Variants in SLCO4A1 observed in about 807,000 individuals in gnomAD.
SLCO4A1 encodes colon organic anion transporter.
SLCO4A1 carries 51 observed loss-of-function variants against 64.6 expected under a neutral mutation model. The observed-to-expected ratio is 0.79, with a 90% CI of 0.63 to 1.00. The LOEUF (loss-of-function observed/expected upper bound fraction) is 1.00, where lower values mean the gene tolerates loss of function less well. SLCO4A1 is among the 50% of genes least tolerant of loss of function. The pLI is 0.00. For missense variants in SLCO4A1, 919 were observed against 980.5 expected (o/e 0.94, Z 0.84); for synonymous variants, 471 against 444.9 (o/e 1.06, Z -0.74).
chr20:62,682,649 CCACACACA>C (rs10552847), intron 2 of SLCO4A1, among the ~76,000 whole-genome samples: 116 of 150,788 alleles, frequency 7.7e-4, no homozygotes, highest in African/African-American at 2.5e-3. Context: ...GACCATGTGA[CCACACACA>C]CACACACACA....
In SLCO4A1 at chr20:62,660,284, G is replaced by A. The variant is rs532462842; in HGVS notation, c.888-128G>A. ...CTGTGGCCAGCAGCACCAGGGGCCT[G>A]TGTTGACCAGCGTGCAGACAGACCC... On this transcript the variant is annotated intron_variant, in intron 3 of 11. Transcript: ENST00000217159. The A allele has an allele frequency of 2.8e-5, 31 of 1,088,240 alleles. 1 individual carries two copies. The African/African-American group carries it at 3.6e-4, about 13-fold the overall frequency. The allele number at this position is 1,088,240 out of a possible 1,614,324, so 67.4% of individuals were successfully genotyped here. A position where few individuals can be genotyped will look rare whatever the true frequency, so the allele number is the denominator to read the frequency against.
At chr20:62,689,175 GTCCCT>G, downstream of SLCO4A1, among the ~76,000 whole-genome samples, 1 of 152,202 alleles carries the variant, frequency 6.6e-6, no homozygotes, top group South Asian at 2.1e-4. Context: ...TCGTAGGCCT[GTCCCT>G]GGCTGTGCCC....
chr20:62,676,046 G>A (rs1020348773), downstream of SLCO4A1, among the ~76,000 whole-genome samples: 4 of 152,204 alleles, frequency 2.6e-5, no homozygotes. Flanking sequence ...AGAGTCAGAC[G>A]CCAGGAGCAG....
At chr20:62,665,210 C>T (rs141650269) in intron 6 of SLCO4A1, 122 bp downstream of exon 6, 5 of 1,145,194 alleles carry the variant, frequency 4.4e-6, no homozygotes, top group South Asian at 3.0e-5. Context: ...CTCCCACCCC[C>T]GCTGCCAGAG....
rs145068789 is a variant in SLCO4A1 at position 62,667,849 on chromosome 20, A to G, written c.1577A>G (p.Tyr526Cys). 9.3e-6 allele frequency: 15 copies of G among 1,613,470 alleles called. No homozygotes were observed. The highest frequency in any genetic ancestry group is 1.3e-5 in the Non-Finnish European group (15 of 1,180,032). ...SPVCGSDGLM[Y>C]FSLCHAGCPA... ...GTGTGCGGCTCGGACGGCCTCATGT[A>G]CTTCTCACTGTGCCACGCAGGGTGC... The change falls in exon 8 of 12, where the codon TAC (tyrosine) becomes TGC (cysteine). Residue 526 changes from tyrosine (Y) to cysteine (C), a missense_variant. Transcript: ENST00000217159.
downstream of SLCO4A1, among the ~76,000 whole-genome samples, chr20:62,686,466 A>G (rs970541552): frequency 6.6e-6 from 1 of 152,160 alleles, no homozygotes; most frequent in South Asian, 2.1e-4. Context: ...GAGTGAGAAG[A>G]CACTGGCGCC....
Position 62,658,712 on chromosome 20 carries a change from G to A in SLCO4A1, c.832G>A (p.Ala278Thr), listed in dbSNP as rs1984213801. ...FYTAAILGPAAGYLIGGALLN... is the reference protein window; with the variant it reads ...FYTAAILGPATGYLIGGALLN... ...CACAGCGGCCATCCTGGGCCCAGCT[G>A]CCGGCTACCTGATTGGAGGTGCCCT... is the stretch of plus-strand genomic sequence containing the variant. Residue 278 changes from alanine (A) to threonine (T), a missense_variant, in exon 3 of 12, where the codon GCC becomes ACC. Transcript: ENST00000217159. The A allele has an allele frequency of 6.2e-7, 1 of 1,612,244 alleles. No homozygotes were observed. The highest frequency in any genetic ancestry group is 1.3e-5 in the African/African-American group (1 of 74,934).
At chr20:62,666,835 A>T in intron 7 of SLCO4A1, 1 of 507,094 alleles carries the variant, frequency 2.0e-6, no homozygotes, top group East Asian at 3.2e-5. Context: ...GGGCCTCAGC[A>T]CTCTGCTCTG....
chr20:62,661,041 C>CCCCCCCCCCCCCCCGCA lies in SLCO4A1; in HGVS notation c.1010-23_1010-22insCCCCCCCCCCCCCCGCA. On this transcript the variant is annotated intron_variant, in intron 4 of 11. Coordinates refer to ENST00000217159, the MANE Select transcript of SLCO4A1 (RefSeq NM_016354.4). This position sits in a 1 kb window ranked among gnomAD's most constrained non-coding sequence, Gnocchi z 5.2. ...TCCGGGAGCCCCCAGCCCCCAGCCC[C>CCCCCCCCCCCCCCCGCA]AGCTCACTCTGTGCCCTTCCAGGCT... 1 of 1,424,144 alleles carries CCCCCCCCCCCCCCCGCA rather than the reference C, an allele frequency of 7.0e-7. No homozygotes were observed. The highest frequency in any genetic ancestry group is 9.9e-7 in the Non-Finnish European group (1 of 1,010,142). 88.2% of individuals were successfully genotyped at this position (1,424,144 alleles called of 1,614,324 possible).
chr20:62,673,127 G>A (rs866146434), downstream of SLCO4A1, among the ~76,000 whole-genome samples: 9 of 143,114 alleles, frequency 6.3e-5, 1 homozygote, highest in Middle Eastern at 3.5e-3. Context: ...CGCTTGTGTG[G>A]AGCTCACTGC....
At chr20:62,652,189 A>C (rs1434177022) in intron 1 of SLCO4A1, 1 of 151,726 alleles carries the variant, frequency 6.6e-6, no homozygotes, top group Non-Finnish European at 1.5e-5. Flanking sequence ...CCCAGCCCGG[A>C]AATGAGGTCA....
chr20:62,683,269 T>G (rs1987915714), intron 2 of SLCO4A1, among the ~76,000 whole-genome samples: 1 of 152,174 alleles, frequency 6.6e-6, no homozygotes, highest in South Asian at 2.1e-4. Flanking sequence ...GTGTTGGGCT[T>G]GGACCTCGGG....
chr20:62,689,520 A>G (rs1988165916), downstream of SLCO4A1, among the ~76,000 whole-genome samples: 1 of 152,196 alleles, frequency 6.6e-6, no homozygotes, highest in Non-Finnish European at 1.5e-5. Flanking sequence ...AGGCTGGATG[A>G]GCAGCAGGTC....
intron 11 of SLCO4A1, 76 bp downstream of exon 11, chr20:62,669,154 A>T (rs1032346584): frequency 1.4e-6 from 2 of 1,444,722 alleles, no homozygotes; most frequent in Non-Finnish European, 1.9e-6. Flanking sequence ...GCGATCTTCC[A>T]GCAGCTTGGA....
At chr20:62,664,128 C>T (rs1043802912) in intron 5 of SLCO4A1, among the ~76,000 whole-genome samples, 2 of 152,100 alleles carry the variant, frequency 1.3e-5, no homozygotes, top group African/African-American at 4.8e-5. Context: ...TGAGACCCCA[C>T]AGCCAGGACC....
At chr20:62,653,903 G>A (rs1360068638) in intron 1 of SLCO4A1, among the ~76,000 whole-genome samples, 1 of 140,074 alleles carries the variant, frequency 7.1e-6, no homozygotes, top group Admixed American at 7.1e-5. Flanking sequence ...GGTGGGGGGA[G>A]GGGGGAGGGA....
At chr20:62,646,767 G>A (rs1981410620) in intron 1 of SLCO4A1, among the ~76,000 whole-genome samples, 1 of 152,274 alleles carries the variant, frequency 6.6e-6, no homozygotes, top group Admixed American at 6.5e-5. Context: ...AGAGAGGCCC[G>A]TGACCTGCGT....
chr20:62,655,859 G>A (rs891426094), intron 1 of SLCO4A1, among the ~76,000 whole-genome samples: 1 of 152,204 alleles, frequency 6.6e-6, no homozygotes, highest in African/African-American at 2.4e-5. Flanking sequence ...TGAACTTAAG[G>A]AAGAACAAGG....
At chr20:62,647,369 C>T (rs1199522359) in intron 1 of SLCO4A1, among the ~76,000 whole-genome samples, 1 of 152,106 alleles carries the variant, frequency 6.6e-6, no homozygotes, top group Non-Finnish European at 1.5e-5. Context: ...CCGTCAGGTG[C>T]CAGGAGGAGG....
Sources: gnomAD v4.1 joint callset for allele counts (sites outside exome capture counted in the v4.1 genomes callset) on GRCh38, gnomAD v4.1.1 for gene constraint, Gnocchi (gnomAD v3.1) non-coding constraint, MANE v1.5 for transcripts, NCBI Gene and HGNC (gene_info 2026-07-23, HGNC 2026-07-21) for gene names.